Variants in C2CD5 observed in about 807,000 individuals in gnomAD.
C2CD5 encodes the protein C2 calcium dependent domain containing 5.
A neutral mutation model predicts 130.3 loss-of-function variants in C2CD5; 109 were observed. The observed-to-expected ratio is 0.84, with a 90% CI of 0.72 to 0.98. The LOEUF is 0.98. Ranked by LOEUF, C2CD5 falls within the 50% of genes least tolerant of loss-of-function variation. The pLI is 0.00. For missense variants in C2CD5, 996 were observed against 1,261.8 expected (o/e 0.79, Z 3.19); for synonymous variants, 454 against 429.2 (o/e 1.06, Z -0.71).
intron 10 of C2CD5, among the ~76,000 whole-genome samples, chr12:22,500,280 A>G (rs74702479): frequency 0.021 from 3,227 of 152,194 alleles, 106 homozygotes; most frequent in African/African-American, 0.073. Context: ...ACTAACCAAG[A>G]TATTTTGTAC....
chr12:22,543,144 T>C (rs551663852), intron 2 of C2CD5, among the ~76,000 whole-genome samples: 1 of 152,346 alleles, frequency 6.6e-6, no homozygotes, highest in South Asian at 2.1e-4. Flanking sequence ...AGCTATATAT[T>C]ATGATATATC....
chr12:22,474,401 G>A (rs1300174828), intron 16 of C2CD5, among the ~76,000 whole-genome samples: 2 of 152,038 alleles, frequency 1.3e-5, no homozygotes, highest in Non-Finnish European at 1.5e-5. Flanking sequence ...TATAACTACA[G>A]TAATATACAA....
At chr12:22,471,710 T>C (rs1943070994) in intron 19 of C2CD5, among the ~76,000 whole-genome samples, 1 of 151,972 alleles carries the variant, frequency 6.6e-6, no homozygotes, top group Non-Finnish European at 1.5e-5. Flanking sequence ...ATATAGTAAG[T>C]TTTTTTAAAT....
intron 2 of C2CD5, among the ~76,000 whole-genome samples, chr12:22,541,700 G>A (rs943023813): frequency 1.3e-5 from 2 of 152,130 alleles, no homozygotes; most frequent in Admixed American, 1.3e-4. Context: ...ACTTTTCTCA[G>A]GGGCCTCCCC....
chr12:22,478,220 G>GA (rs761989178), intron 15 of C2CD5, 93 bp downstream of exon 15: 718 of 1,002,162 alleles, frequency 7.2e-4, no homozygotes, highest in Non-Finnish European at 9.6e-4. Context: ...GCTAAACAGT[G>GA]AAAAAAAAAT....
In C2CD5 at chr12:22,448,674, A is replaced by C. The variant is rs1937913295; in HGVS notation, c.*1086T>G. On this transcript the variant is annotated 3_prime_UTR_variant, in exon 27 of 27. Transcript: ENST00000446597. Reference sequence around the variant, plus strand: ...CTGTGATAACAAGGAAATGACTCTTAAGGGCAGTTTGTTGTCCTGGGGGAA... The same window carrying C: ...CTGTGATAACAAGGAAATGACTCTTCAGGGCAGTTTGTTGTCCTGGGGGAA... 6.6e-6 allele frequency: 1 copy of C among 152,576 alleles called. No homozygotes were observed. The highest frequency in any genetic ancestry group is 2.4e-5 in the African/African-American group (1 of 41,464). The allele number at this position is 152,576 out of a possible 1,614,324, so 9.5% of individuals were successfully genotyped here.
intron 8 of C2CD5, chr12:22,515,104 G>A (rs1036247064): frequency 8.1e-6 from 8 of 985,108 alleles, no homozygotes; most frequent in African/African-American, 1.7e-5. Context: ...AAGAGAGAGA[G>A]GGGGAGCTGG....
chr12:22,457,248 C>G, intron 24 of C2CD5, 87 bp from the exon 25 acceptor site: 1 of 849,588 alleles, frequency 1.2e-6, no homozygotes, highest in Non-Finnish European at 1.8e-6. Flanking sequence ...GTGGTGACAA[C>G]ATTCAGCTGT....
chr12:22,512,154 GC>G (rs2136848836), intron 9 of C2CD5, among the ~76,000 whole-genome samples: 1 of 152,278 alleles, frequency 6.6e-6, no homozygotes, highest in East Asian at 1.9e-4. Context: ...CCTCATCATT[GC>G]TTAGTTCAGC....
chr12:22,481,368 C>T (rs117414215), intron 14 of C2CD5, among the ~76,000 whole-genome samples: 3,881 of 152,168 alleles, frequency 0.026, 65 homozygotes, highest in Middle Eastern at 0.044. Context: ...CAAGAGAATT[C>T]AAATTTGAAA....
chr12:22,456,343 A>C (rs1413370766), intron 25 of C2CD5, among the ~76,000 whole-genome samples: 1 of 152,226 alleles, frequency 6.6e-6, no homozygotes, highest in Non-Finnish European at 1.5e-5. Context: ...AACATATGAC[A>C]CAACGTAATT....
chr12:22,479,379 T>C (rs1176987842), intron 14 of C2CD5, among the ~76,000 whole-genome samples: 1 of 151,512 alleles, frequency 6.6e-6, no homozygotes, highest in Admixed American at 6.6e-5. Context: ...CGGACCTACC[T>C]CATAATTTAA....
rs1375977117 is a variant in C2CD5 at position 22,459,472 on chromosome 12, G to A, written c.2584+20C>T. The A allele has an allele frequency of 2.7e-6, 4 of 1,492,384 alleles. No individual in the cohort carries two copies. Among genetic ancestry groups the A allele is most frequent in the Non-Finnish European group, 3.6e-6 (4 of 1,107,694 alleles). 92.4% of individuals were successfully genotyped at this position (1,492,384 alleles called of 1,614,324 possible). ...AATTTTACACCTTTGGTGACTATTT[G>A]CTTAATTAGACAAACTCACCTCTCT... On this transcript the variant is annotated intron_variant, in intron 23 of 26. Transcript: ENST00000446597.
Position 22,521,213 on chromosome 12 carries a change from A to T in C2CD5, c.800+2213T>A, listed in dbSNP as rs528481380. Among the ~76,000 whole-genome samples, 185 of 152,332 alleles carry T rather than the reference A, an allele frequency of 1.2e-3. 1 individual carries two copies. The highest frequency in any genetic ancestry group is 2.3e-3 in the Non-Finnish European group (156 of 67,988). On this transcript the variant is annotated intron_variant, in intron 7 of 26. Coordinates refer to ENST00000446597, the MANE Select transcript of C2CD5 (RefSeq NM_001286176.2). ...ACCCAAATTGCTTCATTCTCAAAAA[A>T]TACAATGAAGCCAGTTGAAATAAAA...
chr12:22,470,987 A>G, intron 20 of C2CD5, 76 bp from the exon 21 acceptor site: 1 of 958,902 alleles, frequency 1.0e-6, no homozygotes, highest in Non-Finnish European at 1.6e-6. Flanking sequence ...TTTTTTCAGT[A>G]CCACGGAACA....
chr12:22,457,412 T>C (rs1940125188), intron 24 of C2CD5, among the ~76,000 whole-genome samples: 1 of 152,170 alleles, frequency 6.6e-6, no homozygotes. Context: ...TGATGCAGTA[T>C]AGCTACACAC....
rs367778496 is a variant in C2CD5 at position 22,454,086 on chromosome 12, T to A, written c.2878-44A>T. The A allele has an allele frequency of 2.1e-5, 30 of 1,455,538 alleles. No individual in the cohort carries two copies. In the African/African-American group the frequency reaches 3.5e-4, roughly 17 times the overall value. The allele number at this position is 1,455,538 out of a possible 1,614,324, so 90.2% of individuals were successfully genotyped here. ...GAAAATCATACTATATATACATGTG[T>A]ATGGATATAGGAATGCACACAAAAT... On this transcript the variant is annotated intron_variant, in intron 25 of 26. Transcript: ENST00000446597.
At chr12:22,473,204 A>ATAGGTC (rs1251529015) in intron 16 of C2CD5, among the ~76,000 whole-genome samples, 2 of 152,192 alleles carry the variant, frequency 1.3e-5, no homozygotes, top group Non-Finnish European at 2.9e-5. Context: ...ATATCTAATA[A>ATAGGTC]TAGGTCTAAA....
chr12:22,461,080 T>G (rs1458709439), intron 22 of C2CD5, among the ~76,000 whole-genome samples: 1 of 152,072 alleles, frequency 6.6e-6, no homozygotes, highest in Non-Finnish European at 1.5e-5. Context: ...ACTTTGGAAG[T>G]CTAGGAGGAG....
Sources: gnomAD v4.1 joint callset for allele counts (sites outside exome capture counted in the v4.1 genomes callset) on GRCh38, gnomAD v4.1.1 for gene constraint, MANE v1.5 for transcripts, NCBI Gene and HGNC (gene_info 2026-07-23, HGNC 2026-07-21) for gene names.